PDCD5: variants seen among roughly 807,000 people sequenced by gnomAD.
PDCD5 encodes programmed cell death 5.
Under a neutral mutation model 21.9 loss-of-function variants are expected in PDCD5, and 23 were observed. That is an observed-to-expected ratio of 1.05 (90% CI 0.76 to 1.49). The LOEUF is 1.49. Ranked by LOEUF, PDCD5 falls within the 40% of genes most tolerant of loss-of-function variation. The pLI, the probability that PDCD5 is intolerant of heterozygous loss-of-function variation, is 0.00. For synonymous variants in PDCD5, 45 were observed against 49.4 expected, an observed-to-expected ratio of 0.91 and a Z score of 0.37; for missense variants, 152 against 147.7, an observed-to-expected ratio of 1.03 and a Z score of -0.15.
intron 2 of PDCD5, among the ~76,000 whole-genome samples, chr19:32,584,350 AAAAG>A (rs1240047472): frequency 6.6e-6 from 1 of 152,214 alleles, no homozygotes; most frequent in East Asian, 1.9e-4. Context: ...TTTGAAAGAA[AAAAG>A]AAACAAGTCC....
At chr19:32,582,309 G>A (rs777392113) in intron 2 of PDCD5, 77 bp downstream of exon 2, 2 of 1,277,862 alleles carry the variant, frequency 1.6e-6, no homozygotes, top group Non-Finnish European at 2.3e-6. Flanking sequence ...ATTTTAAGCA[G>A]GTGTGTGACT....
chr19:32,581,257 G>T lies in PDCD5; in HGVS notation c.-5G>T. Reference sequence around the variant, plus strand: ...CCGCGGCTGCTCCAGCGCTGACGCCGAGCCATGGCGGACGAGGAGCTTGAG... The same window carrying T: ...CCGCGGCTGCTCCAGCGCTGACGCCTAGCCATGGCGGACGAGGAGCTTGAG... On this transcript the variant is annotated 5_prime_UTR_variant, in exon 1 of 6. Coordinates refer to ENST00000590247, the MANE Select transcript of PDCD5 (RefSeq NM_004708.4). 1.3e-6 allele frequency: 2 copies of T among 1,508,518 alleles called. No individual in the cohort carries two copies. Among genetic ancestry groups the T allele is most frequent in the East Asian group, 2.7e-5 (1 of 37,082 alleles). The allele number at this position is 1,508,518 out of a possible 1,614,324, so 93.4% of individuals were successfully genotyped here.
In PDCD5 at chr19:32,583,909, G is replaced by A. The variant is rs1199079466; in HGVS notation, c.105-1041G>A. Among the ~76,000 whole-genome samples the A allele has an allele frequency of 3.3e-5, 5 of 152,172 alleles. No individual in the cohort carries two copies. The South Asian group carries it at 6.2e-4, about 19-fold the overall frequency. On this transcript the variant is annotated intron_variant, in intron 2 of 5. Transcript: ENST00000590247. ...TGCAGTGGCACAATCTTGGCTCACC[G>A]TAACCTCTGCCTCTGAGCTTCAAGC... is the stretch of plus-strand genomic sequence containing the variant.
In PDCD5 at chr19:32,581,239, T is replaced by C. The variant is rs369864929; in HGVS notation, c.-23T>C. On this transcript the variant is annotated 5_prime_UTR_variant, in exon 1 of 6. Transcript: ENST00000590247. ...GAGGGGCTGCGAGAGTGACCGCGGC[T>C]GCTCCAGCGCTGACGCCGAGCCATG... The C allele has an allele frequency of 3.2e-5, 48 of 1,482,050 alleles. No individual in the cohort carries two copies. Among genetic ancestry groups the C allele is most frequent in the Non-Finnish European group, 4.3e-5 (48 of 1,116,144 alleles). The allele number at this position is 1,482,050 out of a possible 1,614,324, so 91.8% of individuals were successfully genotyped here.
chr19:32,587,017 A>C (rs762456434), intron 5 of PDCD5, 88 bp downstream of exon 5: 41 of 1,178,884 alleles, frequency 3.5e-5, no homozygotes, highest in Admixed American at 6.6e-5. Context: ...CATATTTTTC[A>C]GCCCAGAGAC....
rs77264733 is a variant in PDCD5, at chr19:32,583,457, C to CT, written c.104+1238dup. On this transcript the variant is annotated intron_variant, in intron 2 of 5. Coordinates refer to ENST00000590247, the MANE Select transcript of PDCD5 (RefSeq NM_004708.4). ...ACCATGCCTGGCTAATTTTTTTAAACTTTTTTTTTTTTTAATAGCCTCGCT... is the reference window on the plus strand; with the variant it reads ...ACCATGCCTGGCTAATTTTTTTAAACTTTTTTTTTTTTTTAATAGCCTCGCT... 8.9e-3 allele frequency among the ~76,000 whole-genome samples: 1,282 copies of CT among 143,750 alleles called. 8 individuals are homozygous for CT. Among genetic ancestry groups the CT allele is most frequent in the African/African-American group, 0.02 (807 of 39,376 alleles). 94.3% of individuals were successfully genotyped at this position (143,750 alleles called of 152,430 possible).
intron 2 of PDCD5, among the ~76,000 whole-genome samples, chr19:32,583,841 ATTG>A (rs962713058): frequency 6.6e-5 from 10 of 151,208 alleles, no homozygotes; most frequent in African/African-American, 1.9e-4. Context: ...ATCTTTTTTT[ATTG>A]TTGTTGAGAT....
Position 32,587,278 on chromosome 19 carries a change from CTGA to C in PDCD5, c.360_362del (p.Asp120del), listed in dbSNP as rs754464986. On this transcript the variant is annotated inframe_deletion, in exon 6 of 6. Transcript: ENST00000590247. ...TTCAACAGAAGAAAAGTAATGGACT[CTGA>C]TGAAGATGACGATTATTGAACTACA... 1.8e-5 allele frequency: 29 copies of C among 1,607,600 alleles called. No individual in the cohort carries two copies. Among genetic ancestry groups the C allele is most frequent in the Admixed American group, 1.0e-4 (6 of 59,934 alleles).
rs1305805009 is a variant in PDCD5, at chr19:32,586,913, A to G, written c.314A>G (p.Lys105Arg). Reference sequence around the variant, plus strand: ...AAAAAAGTAAGCCAACAAACAGAAAAGACAACAACAGTGAAAGTAAGTGTC... The same window carrying G: ...AAAAAAGTAAGCCAACAAACAGAAAGGACAACAACAGTGAAAGTAAGTGTC... ...ILKKVSQQTE[K>R]TTTVKFNRRK... is the part of the protein sequence containing the mutation. Residue 105 changes from lysine (K) to arginine (R), a missense_variant, in exon 5 of 6, where the codon AAG (lysine) becomes AGG (arginine). Transcript: ENST00000590247. 1 of 1,612,126 alleles carries G rather than the reference A, an allele frequency of 6.2e-7. No individual in the cohort carries two copies. Among genetic ancestry groups the G allele is most frequent in the Admixed American group, 1.7e-5 (1 of 59,724 alleles).
chr19:32,584,559 G>T (rs1971458285), intron 2 of PDCD5, among the ~76,000 whole-genome samples: 1 of 152,124 alleles, frequency 6.6e-6, no homozygotes, highest in African/African-American at 2.4e-5. Flanking sequence ...CTGGATCTCA[G>T]CTTTATCTCT....
intron 2 of PDCD5, 84 bp from the exon 3 acceptor site, chr19:32,584,862 CACAT>C (rs1971460985): frequency 1.0e-6 from 1 of 994,052 alleles, no homozygotes; most frequent in African/African-American, 1.6e-5. Context: ...CATGTGGAGA[CACAT>C]ACTGGATGGG....
intron 2 of PDCD5, 137 bp from the exon 3 acceptor site, chr19:32,584,813 A>G (rs926871261): frequency 1.1e-5 from 8 of 719,508 alleles, no homozygotes; most frequent in Non-Finnish European, 2.0e-5. Flanking sequence ...AGCCTTATGT[A>G]CAGCAACTAC....
rs570109613 is a variant in PDCD5 at position 32,581,217 on chromosome 19, G to GGGCTGCGAGAGTGACCGC, written c.-38_-21dup. 6,585 of 1,404,736 alleles carry GGGCTGCGAGAGTGACCGC rather than the reference G, an allele frequency of 4.7e-3. 18 individuals are homozygous for GGGCTGCGAGAGTGACCGC. The highest frequency in any genetic ancestry group is 8.9e-3 in the Middle Eastern group (36 of 4,058). 87.0% of individuals were successfully genotyped at this position (1,404,736 alleles called of 1,614,324 possible). On this transcript the variant is annotated 5_prime_UTR_variant, in exon 1 of 6. Coordinates refer to ENST00000590247, the MANE Select transcript of PDCD5 (RefSeq NM_004708.4). ...TGGTCAAGGCCGCGCTCGCGCCGAGGGGCTGCGAGAGTGACCGCGGCTGCT... is the reference window on the plus strand; with the variant it reads ...TGGTCAAGGCCGCGCTCGCGCCGAGGGGCTGCGAGAGTGACCGCGGCTGCGAGAGTGACCGCGGCTGCT...
At chr19:32,585,970 A>T in intron 4 of PDCD5, 63 bp downstream of exon 4, 1 of 1,613,998 alleles carries the variant, frequency 6.2e-7, no homozygotes, top group Non-Finnish European at 8.5e-7. Flanking sequence ...TGGCTTCAAA[A>T]GGTCAGCTGC....
intron 4 of PDCD5, chr19:32,586,178 C>T: frequency 6.9e-7 from 1 of 1,451,434 alleles, no homozygotes; most frequent in East Asian, 2.5e-5. Flanking sequence ...TGCCCCTGCA[C>T]TGGAAGCAAG....
chr19:32,581,485 C>T (rs1037026138), intron 1 of PDCD5, 158 bp downstream of exon 1: 11 of 401,990 alleles, frequency 2.7e-5, no homozygotes, highest in Non-Finnish European at 4.3e-5. Context: ...GAGGTGGCCT[C>T]GTCGCTTTCC....
intron 2 of PDCD5, among the ~76,000 whole-genome samples, chr19:32,584,549 C>T (rs1435096341): frequency 6.6e-6 from 1 of 152,180 alleles, no homozygotes; most frequent in Admixed American, 6.5e-5. Flanking sequence ...GCATAGCCTC[C>T]TGGATCTCAG....
chr19:32,583,231 C>T (rs776594629), intron 2 of PDCD5, among the ~76,000 whole-genome samples: 9 of 152,076 alleles, frequency 5.9e-5, no homozygotes, highest in Non-Finnish European at 5.9e-5. Context: ...TTCTTCTTTA[C>T]GTCAGGGCCA....
intron 2 of PDCD5, among the ~76,000 whole-genome samples, chr19:32,583,913 C>T (rs1025687881): frequency 1.3e-5 from 2 of 152,174 alleles, no homozygotes; most frequent in Non-Finnish European, 2.9e-5. Context: ...CTCACCGTAA[C>T]CTCTGCCTCT....
Sources: gnomAD v4.1 joint callset for allele counts (sites outside exome capture counted in the v4.1 genomes callset) on GRCh38, gnomAD v4.1.1 for gene constraint, MANE v1.5 for transcripts, NCBI Gene and HGNC (gene_info 2026-07-23, HGNC 2026-07-21) for gene names.